CIDEC: variants seen among roughly 807,000 people sequenced by gnomAD.
CIDEC encodes cell death inducing DFFA like effector c.
Under a neutral mutation model 21.9 loss-of-function variants are expected in CIDEC, and 11 were observed. That is an observed-to-expected ratio of 0.50 (90% CI 0.32 to 0.83). The LOEUF (loss-of-function observed/expected upper bound fraction) is 0.83, where lower values mean the gene tolerates loss of function less well. CIDEC is among the 40% of genes least tolerant of loss of function. CIDEC has a pLI of 0.04. For missense variants in CIDEC, 302 were observed against 302.3 expected, an observed-to-expected ratio of 1.00 and a Z score of 0.01; for synonymous variants, 127 against 124.9, an observed-to-expected ratio of 1.02 and a Z score of -0.11.
chr3:9,874,734 T>G (rs1233320776), intron 4 of CIDEC, among the ~76,000 whole-genome samples: 1 of 152,018 alleles, frequency 6.6e-6, no homozygotes, highest in African/African-American at 2.4e-5. Flanking sequence ...GTGACAATCT[T>G]TTTAAAATTT....
At chr3:9,877,312 G>A in intron 3 of CIDEC, 93 bp from the exon 4 acceptor site, 1 of 1,240,776 alleles carries the variant, frequency 8.1e-7, no homozygotes. Flanking sequence ...TCCTGACTGG[G>A]CTCATGATCA....
Position 9,879,024 on chromosome 3 carries a change from C to T in CIDEC, c.-108G>A. 1 of 602,152 alleles carries T rather than the reference C, an allele frequency of 1.7e-6. No individual in the cohort carries two copies. Among genetic ancestry groups the T allele is most frequent in the Middle Eastern group, 3.7e-4 (1 of 2,732 alleles). 37.3% of individuals were successfully genotyped at this position (602,152 alleles called of 1,614,324 possible). On this transcript the variant is annotated 5_prime_UTR_variant, in exon 2 of 7. Coordinates refer to ENST00000336832, the MANE Select transcript of CIDEC (RefSeq NM_001321142.2). ...GGTCCTTGAGCAATCCGAGCCCCTT[C>T]CTGAGGCTTCACAGTGGCCAAAAGA...
Position 9,869,889 on chromosome 3 carries a change from T to C in CIDEC, c.547A>G (p.Ile183Val). 1.2e-6 allele frequency: 2 copies of C among 1,612,776 alleles called. No homozygotes were observed. Among genetic ancestry groups the C allele is most frequent in the East Asian group, 2.2e-5 (1 of 44,888 alleles). The change falls in exon 6 of 7, where the codon ATC becomes GTC. Residue 183 changes from isoleucine (I) to valine (V), a missense_variant. Transcript: ENST00000336832. ...YDLHCCGAKR[I>V]MKEAFRWALF... ...AAATCCCAATTTGCTCACTTCATGA[T>C]GCGCTTGGCCCCACAGCAGTGCAGA...
chr3:9,878,059 C>A (rs2082451765), intron 3 of CIDEC: 1 of 222,066 alleles, frequency 4.5e-6, no homozygotes, highest in Non-Finnish European at 9.2e-6. Context: ...AATTTAGAAT[C>A]TTGGCTCCCT....
chr3:9,867,370 A>G (rs2082286664), intron 6 of CIDEC, 74 bp from the exon 7 acceptor site: 7 of 1,543,112 alleles, frequency 4.5e-6, no homozygotes, highest in Non-Finnish European at 6.2e-6. Flanking sequence ...CTGTAATCCT[A>G]GCACTTTGGG....
At chr3:9,871,811 G>T (rs1175203322) in intron 4 of CIDEC, among the ~76,000 whole-genome samples, 2 of 151,878 alleles carry the variant, frequency 1.3e-5, no homozygotes, top group African/African-American at 2.4e-5. Flanking sequence ...TATACTTGTA[G>T]TAGATACAAG....
chr3:9,874,149 A>G (rs1238163698), intron 4 of CIDEC, among the ~76,000 whole-genome samples: 34 of 152,198 alleles, frequency 2.2e-4, no homozygotes, highest in Admixed American at 2.0e-3. Context: ...TTGAGCATCA[A>G]TAAATAATCT....
At chr3:9,871,128 T>A (rs1375737891) in intron 4 of CIDEC, among the ~76,000 whole-genome samples, 2 of 151,806 alleles carry the variant, frequency 1.3e-5, no homozygotes, top group African/African-American at 4.8e-5. Context: ...TGGGCATATA[T>A]ACCTAGGAGT....
chr3:9,877,678 A>T (rs1411179851), intron 3 of CIDEC, among the ~76,000 whole-genome samples: 1 of 152,166 alleles, frequency 6.6e-6, no homozygotes, highest in African/African-American at 2.4e-5. Flanking sequence ...ATAATAAAAT[A>T]AAAATTAAAA....
At chr3:9,874,922 G>A (rs767775288) in intron 4 of CIDEC, among the ~76,000 whole-genome samples, 20 of 151,854 alleles carry the variant, frequency 1.3e-4, no homozygotes, top group East Asian at 1.9e-4. Flanking sequence ...TTGTATAGAC[G>A]GGGTCTCACC....
intron 2 of CIDEC, 83 bp from the exon 3 acceptor site, chr3:9,878,594 C>T: frequency 7.5e-7 from 1 of 1,340,062 alleles, no homozygotes; most frequent in Non-Finnish European, 1.1e-6. Context: ...TGCAACCCAA[C>T]CCCTGTTCAG....
chr3:9,871,156 C>T (rs948998915), intron 4 of CIDEC, among the ~76,000 whole-genome samples: 1 of 148,506 alleles, frequency 6.7e-6, no homozygotes, highest in African/African-American at 2.5e-5. Flanking sequence ...CTGAGTCATA[C>T]ATTAACTCTA....
intron 4 of CIDEC, chr3:9,870,546 C>T (rs1442912582): frequency 1.5e-6 from 2 of 1,342,044 alleles, no homozygotes; most frequent in Non-Finnish European, 1.0e-6. Flanking sequence ...AGTTTACATA[C>T]TCTAAAAGTT....
Position 9,869,906 on chromosome 3 carries a change from C to T in CIDEC, c.530G>A (p.Cys177Tyr), listed in dbSNP as rs2082321930. The change falls in exon 6 of 7, where the codon TGC becomes TAC. Residue 177 changes from cysteine (C) to tyrosine (Y), a missense_variant. By Grantham distance (194) the Cys-to-Tyr change is radical. Coordinates refer to ENST00000336832, the MANE Select transcript of CIDEC (RefSeq NM_001321142.2). The stretch of plus-strand genomic sequence containing the variant: ...CTTCATGATGCGCTTGGCCCCACAG[C>T]AGTGCAGATCATAGGAAAGGGAGTA... ...DTYSLSYDLHCCGAKRIMKEA... is the reference protein window; with the variant it reads ...DTYSLSYDLHYCGAKRIMKEA... 2 of 1,613,240 alleles carry T rather than the reference C, an allele frequency of 1.2e-6. No individual in the cohort carries two copies. The highest frequency in any genetic ancestry group is 2.7e-5 in the African/African-American group (2 of 74,886).
At chr3:9,876,757 CAAAAAAAAAAAA>C (rs6147705) in intron 4 of CIDEC, among the ~76,000 whole-genome samples, 10 of 67,786 alleles carry the variant, frequency 1.5e-4, no homozygotes, top group South Asian at 5.2e-4. Flanking sequence ...GACTTCGTCT[CAAAAAAAAAAAA>C]AAAAAAAAAA....
At chr3:9,875,177 C>A (rs575806766) in intron 4 of CIDEC, among the ~76,000 whole-genome samples, 8 of 152,022 alleles carry the variant, frequency 5.3e-5, no homozygotes, top group Non-Finnish European at 1.0e-4. Context: ...AGATTGAGGC[C>A]ATCCTGGCTA....
intron 4 of CIDEC, among the ~76,000 whole-genome samples, chr3:9,871,965 G>GGTTTT (rs2082354394): frequency 6.6e-6 from 1 of 151,424 alleles, no homozygotes; most frequent in African/African-American, 2.4e-5. Context: ...TTTTGTTTTT[G>GGTTTT]GTTTTGTTTT....
chr3:9,868,871 C>T (rs1401785378), intron 6 of CIDEC, among the ~76,000 whole-genome samples: 1 of 152,124 alleles, frequency 6.6e-6, no homozygotes, highest in Non-Finnish European at 1.5e-5. Flanking sequence ...GGCTGGAGTA[C>T]ACAGTAGTAT....
intron 6 of CIDEC, among the ~76,000 whole-genome samples, chr3:9,868,612 G>A (rs564322436): frequency 7.2e-5 from 11 of 152,276 alleles, no homozygotes; most frequent in South Asian, 2.1e-4. Context: ...AAGCGGGAGC[G>A]GGTTCTAACC....
Sources: gnomAD v4.1 joint callset for allele counts (sites outside exome capture counted in the v4.1 genomes callset) on GRCh38, gnomAD v4.1.1 for gene constraint, MANE v1.5 for transcripts, NCBI Gene and HGNC (gene_info 2026-07-23, HGNC 2026-07-21) for gene names.